MAN2B2: variants seen among roughly 807,000 people sequenced by gnomAD.
MAN2B2 encodes the protein mannosidase alpha class 2B member 2.
Under a neutral mutation model 117.1 loss-of-function variants are expected in MAN2B2, and 106 were observed. That is an observed-to-expected ratio of 0.90 (90% confidence interval 0.77 to 1.06). The LOEUF is 1.06. Ranked by LOEUF, MAN2B2 falls within the 50% of genes least tolerant of loss-of-function variation. The pLI is 0.00. For missense variants in MAN2B2, 1,326 were observed against 1,381.4 expected (o/e 0.96, Z 0.64); for synonymous variants, 544 against 595.1 (o/e 0.91, Z 1.25).
intron 3 of MAN2B2, among the ~76,000 whole-genome samples, chr4:6,584,505 G>A (rs1726558763): frequency 6.6e-6 from 1 of 152,360 alleles, no homozygotes; most frequent in South Asian, 2.1e-4. Context: ...ACTAGACTGT[G>A]AGCAGTTCAT....
chr4:6,622,866 A>G lies in MAN2B2; in HGVS notation c.*1581A>G, dbSNP rs1343010080. On this transcript the variant is annotated 3_prime_UTR_variant, in exon 19 of 19. Coordinates refer to ENST00000285599, the MANE Select transcript of MAN2B2 (RefSeq NM_015274.3). The stretch of plus-strand genomic sequence containing the variant: ...GGACAACGTGCAGTTTGGCCACCAG[A>G]CAGCAAAGACAGTCTCTGGTTTGGC... 6.6e-6 allele frequency: 1 copy of G among 151,932 alleles called. No individual in the cohort carries two copies. The highest frequency in any genetic ancestry group is 1.5e-5 in the Non-Finnish European group (1 of 68,136). The allele number at this position is 151,932 out of a possible 1,614,324, so 9.4% of individuals were successfully genotyped here.
intron 15 of MAN2B2, 63 bp from the exon 16 acceptor site, chr4:6,614,155 T>C: frequency 2.5e-6 from 4 of 1,583,022 alleles, no homozygotes; most frequent in Non-Finnish European, 3.4e-6. Context: ...TGCAGAGCTC[T>C]GAGTGCCAGG....
intron 17 of MAN2B2, 167 bp downstream of exon 17, chr4:6,617,659 T>C: frequency 7.3e-7 from 1 of 1,365,562 alleles, no homozygotes; most frequent in South Asian, 1.3e-5. Context: ...TGTCAGGTAT[T>C]ACAACTGGCC....
At chr4:6,588,909 G>A (rs1409318536) in intron 4 of MAN2B2, 136 bp from the exon 5 acceptor site, 4 of 646,840 alleles carry the variant, frequency 6.2e-6, no homozygotes, top group Non-Finnish European at 8.4e-6. Flanking sequence ...GGAAACGGCA[G>A]GGGAGAGCTC....
At chr4:6,611,015 G>A (rs1711522450) in intron 14 of MAN2B2, 25 bp downstream of exon 14, 1 of 1,613,422 alleles carries the variant, frequency 6.2e-7, no homozygotes, top group Admixed American at 1.7e-5. Context: ...CTGTCCTACA[G>A]CAGCCCCTCG....
intron 3 of MAN2B2, among the ~76,000 whole-genome samples, chr4:6,581,453 T>C (rs1003734486): frequency 6.6e-6 from 1 of 152,106 alleles, no homozygotes; most frequent in Admixed American, 6.5e-5. Flanking sequence ...CTGGGCTCTT[T>C]CCTTAACTTG....
chr4:6,598,982 G>A (rs1727217129), intron 9 of MAN2B2, among the ~76,000 whole-genome samples: 1 of 152,242 alleles, frequency 6.6e-6, no homozygotes, highest in African/African-American at 2.4e-5. Context: ...TTCCAAACTG[G>A]GAAGATCCTG....
rs200521277 is a variant in MAN2B2 at position 6,609,310 on chromosome 4, G to A, written c.2006+12G>A. 6,054 of 1,610,876 alleles carry A rather than the reference G, an allele frequency of 3.8e-3. 20 individuals are homozygous for A. The highest frequency in any genetic ancestry group is 7.1e-3 in the Admixed American group (424 of 59,880). ...CAGTACTTCTACAGGTGCTTCCCCT[G>A]GGGTGACCCCCACAGCCCGGCACAC... On this transcript the variant is annotated intron_variant, in intron 12 of 18. Transcript: ENST00000285599.
chr4:6,607,028 A>G (rs1727577300), intron 11 of MAN2B2, among the ~76,000 whole-genome samples: 1 of 152,192 alleles, frequency 6.6e-6, no homozygotes, highest in Non-Finnish European at 1.5e-5. Flanking sequence ...CATCACCACA[A>G]TCAATTTTAG....
rs1726015388 is a variant in MAN2B2 at position 6,575,353 on chromosome 4, G to A, written c.138+5G>A. 1.3e-6 allele frequency: 2 copies of A among 1,541,352 alleles called. No individual in the cohort carries two copies. The highest frequency in any genetic ancestry group is 8.7e-7 in the Non-Finnish European group (1 of 1,144,222). On this transcript the variant is annotated splice_donor_5th_base_variant and intron_variant, in intron 1 of 18. Coordinates refer to ENST00000285599, the MANE Select transcript of MAN2B2 (RefSeq NM_015274.3). ...GGCTGGGTCTACACTGTGCAGGTAG[G>A]TGCCGACCACGCCCCGCGCGCCCCT... is the stretch of plus-strand genomic sequence containing the variant.
intron 15 of MAN2B2, among the ~76,000 whole-genome samples, chr4:6,612,295 C>T (rs1031413517): frequency 3.3e-5 from 5 of 152,166 alleles, no homozygotes; most frequent in Admixed American, 1.3e-4. Flanking sequence ...GAGGCATGCT[C>T]GTATAGAGCC....
Position 6,621,721 on chromosome 4 carries a change from C to T in MAN2B2, c.*436C>T, listed in dbSNP as rs1383676826. On this transcript the variant is annotated 3_prime_UTR_variant, in exon 19 of 19. Coordinates refer to ENST00000285599, the MANE Select transcript of MAN2B2 (RefSeq NM_015274.3). ...TGCCACGTGTTTTCATAGACTCATC[C>T]CATGCTGGCAACAGCCCTGCAAGGG... is the stretch of plus-strand genomic sequence containing the variant. 1.3e-5 allele frequency: 2 copies of T among 154,996 alleles called. No individual in the cohort carries two copies. The highest frequency in any genetic ancestry group is 2.9e-5 in the Non-Finnish European group (2 of 69,910). 9.6% of individuals were successfully genotyped at this position (154,996 alleles called of 1,614,324 possible). A position where few individuals can be genotyped will look rare whatever the true frequency, so the allele number is the denominator to read the frequency against.
chr4:6,618,834 T>G (rs917754152), intron 17 of MAN2B2: 1 of 152,312 alleles, frequency 6.6e-6, no homozygotes, highest in South Asian at 2.1e-4. Context: ...CGCCATGATG[T>G]CTTACTGGGC....
intron 9 of MAN2B2, among the ~76,000 whole-genome samples, chr4:6,598,913 T>G (rs1727214526): frequency 6.6e-6 from 1 of 152,164 alleles, no homozygotes; most frequent in Non-Finnish European, 1.5e-5. Context: ...TCTTTGACTG[T>G]GAGTTTTCCC....
intron 17 of MAN2B2, chr4:6,619,339 C>A (rs1226392412): frequency 2.6e-5 from 4 of 152,288 alleles, no homozygotes; most frequent in African/African-American, 9.7e-5. Flanking sequence ...ATGGCACAGG[C>A]CTCCCTCATG....
chr4:6,617,337 G>C, intron 16 of MAN2B2, 43 bp from the exon 17 acceptor site: 7 of 1,527,490 alleles, frequency 4.6e-6, no homozygotes, highest in Non-Finnish European at 4.5e-6. Context: ...ATTGGGGTTG[G>C]TTGATGAGGG....
At chr4:6,583,469 T>G (rs879803425) in intron 3 of MAN2B2, among the ~76,000 whole-genome samples, 1 of 152,228 alleles carries the variant, frequency 6.6e-6, no homozygotes, top group East Asian at 1.9e-4. Flanking sequence ...GGACGCCAAT[T>G]AACAGTTTTG....
chr4:6,597,198 C>G lies in MAN2B2; in HGVS notation c.1143C>G (p.Ala381=), dbSNP rs372728164. The part of the protein sequence containing the change: ...LARRASALLY[A]GESMFTRYLW... ...GGCGAGCCAGCGCCTTGTTGTATGC[C>G]GGGGAGTCCATGTTCACACGCTACC... Residue 381 remains alanine, a synonymous_variant, in exon 8 of 19, where the codon GCC becomes GCG. Transcript: ENST00000285599. 1 of 1,612,212 alleles carries G rather than the reference C, an allele frequency of 6.2e-7. No individual in the cohort carries two copies. The highest frequency in any genetic ancestry group is 1.1e-5 in the South Asian group (1 of 90,934).
At chr4:6,605,771 A>G (rs1727520378) in intron 11 of MAN2B2, among the ~76,000 whole-genome samples, 1 of 151,268 alleles carries the variant, frequency 6.6e-6, no homozygotes, top group African/African-American at 2.4e-5. Context: ...CATCCACCCA[A>G]TTATCCACCC....
Sources: allele counts gnomAD v4.1 joint callset (sites outside exome capture counted in the v4.1 genomes callset), GRCh38; gene constraint gnomAD v4.1.1; transcripts MANE v1.5; gene names NCBI Gene and HGNC (gene_info 2026-07-23, HGNC 2026-07-21).